Variants in LRRTM4 observed in about 807,000 individuals in gnomAD.
The protein encoded by LRRTM4 is leucine rich repeat transmembrane neuronal 4.
A neutral mutation model predicts 47.6 loss-of-function variants in LRRTM4; 25 were observed. The observed-to-expected ratio is 0.53, with a 90% CI of 0.38 to 0.73. The LOEUF (loss-of-function observed/expected upper bound fraction) is 0.73. Among genes scored for constraint, LRRTM4 ranks in the 30% least tolerant of loss-of-function variants. The pLI is 0.00. For missense variants in LRRTM4, 638 were observed against 713.4 expected (o/e 0.89, Z 1.20); for synonymous variants, 311 against 269.5 (o/e 1.15, Z -1.51).
intron 3 of LRRTM4, among the ~76,000 whole-genome samples, chr2:76,973,886 T>C (rs1676306933): frequency 6.6e-6 from 1 of 151,826 alleles, no homozygotes; most frequent in African/African-American, 2.4e-5. Context: ...ATGGGATAAA[T>C]GTAATGGAAA....
At chr2:76,802,603 A>G (rs1675758657) in intron 3 of LRRTM4, among the ~76,000 whole-genome samples, 1 of 152,106 alleles carries the variant, frequency 6.6e-6, no homozygotes, top group East Asian at 1.9e-4. Context: ...ATAATAGGAA[A>G]CAGAATTGTA....
At chr2:76,871,263 A>G (rs1350371391) in intron 3 of LRRTM4, among the ~76,000 whole-genome samples, 2 of 152,198 alleles carry the variant, frequency 1.3e-5, no homozygotes, top group Non-Finnish European at 2.9e-5. Context: ...TGTCTGATGT[A>G]TATTAATAAA....
At chr2:77,441,591 T>C (rs747249615) in intron 3 of LRRTM4, among the ~76,000 whole-genome samples, 9 of 152,320 alleles carry the variant, frequency 5.9e-5, no homozygotes, top group Middle Eastern at 3.4e-3. Context: ...ATAATAAGCT[T>C]ATCTGGCCTG....
intron 3 of LRRTM4, among the ~76,000 whole-genome samples, chr2:77,311,234 AG>A (rs1677447788): frequency 6.6e-6 from 1 of 152,216 alleles, no homozygotes; most frequent in South Asian, 2.1e-4. Context: ...ATGTTGTTAC[AG>A]GAAATCTACC....
At chr2:77,373,492 C>T (rs1157317027) in intron 3 of LRRTM4, among the ~76,000 whole-genome samples, 1 of 151,628 alleles carries the variant, frequency 6.6e-6, no homozygotes, top group South Asian at 2.1e-4. Context: ...TCTTCTCCAC[C>T]TTCATTTTTT....
intron 3 of LRRTM4, among the ~76,000 whole-genome samples, chr2:76,779,923 T>C (rs1382395227): frequency 2.1e-4 from 32 of 152,060 alleles, no homozygotes; most frequent in African/African-American, 7.0e-4. Context: ...CCATGTTTAG[T>C]GCTTCCTTCA....
At chr2:77,039,381 G>A (rs1038663465) in intron 3 of LRRTM4, among the ~76,000 whole-genome samples, 10 of 150,326 alleles carry the variant, frequency 6.7e-5, no homozygotes, top group Non-Finnish European at 1.2e-4. Flanking sequence ...AGAGATACAG[G>A]TATATTTGTT....
chr2:77,275,060 A>T (rs1156752132), intron 3 of LRRTM4, among the ~76,000 whole-genome samples: 1 of 152,140 alleles, frequency 6.6e-6, no homozygotes, highest in Non-Finnish European at 1.5e-5. Context: ...TAACTCTTAA[A>T]AAAAAGAGGG....
chr2:77,229,463 C>T (rs370035250), intron 3 of LRRTM4, among the ~76,000 whole-genome samples: 1 of 152,148 alleles, frequency 6.6e-6, no homozygotes, highest in East Asian at 1.9e-4. Context: ...TTAATAAATC[C>T]AAATTTGACT....
At chr2:76,791,459 C>A (rs963310551) in intron 3 of LRRTM4, among the ~76,000 whole-genome samples, 1 of 151,956 alleles carries the variant, frequency 6.6e-6, no homozygotes, top group Non-Finnish European at 1.5e-5. Context: ...GGAAAAAATC[C>A]AAGAACTTCA....
At chr2:76,858,547 A>G (rs1325852328) in intron 3 of LRRTM4, among the ~76,000 whole-genome samples, 1 of 152,154 alleles carries the variant, frequency 6.6e-6, no homozygotes, top group Non-Finnish European at 1.5e-5. Flanking sequence ...GAAATATGCA[A>G]TGTCTATCCA....
rs1558752116 is a variant in LRRTM4, at chr2:77,457,044, AT to A, written c.1551+61273del. ...TATATATATATATATATATATATAT[AT>A]ATATATGTATAACCTGGAACTCTTT... On this transcript the variant is annotated intron_variant, in intron 3 of 3. Coordinates refer to ENST00000409884, the MANE Select transcript of LRRTM4 (RefSeq NM_001134745.3). 3.2e-3 allele frequency among the ~76,000 whole-genome samples: 80 copies of A among 25,164 alleles called. 2 individuals carry two copies. The highest frequency in any genetic ancestry group is 4.9e-3 in the Non-Finnish European group (62 of 12,764). 16.5% of individuals were successfully genotyped at this position (25,164 alleles called of 152,430 possible).
chr2:77,463,382 C>T lies in LRRTM4; in HGVS notation c.1551+54936G>A, dbSNP rs924762228. On this transcript the variant is annotated intron_variant, in intron 3 of 3. Coordinates refer to ENST00000409884, the MANE Select transcript of LRRTM4 (RefSeq NM_001134745.3). ...CAATGTCAAGGTATTTTCATGAATA[C>T]GCTGTACATTGCAAATCTCAAATAT... is the stretch of plus-strand genomic sequence containing the variant. Among the ~76,000 whole-genome samples the T allele has an allele frequency of 7.2e-5, 11 of 151,982 alleles. 1 individual carries two copies. The highest frequency in any genetic ancestry group is 6.3e-3 in the Middle Eastern group (2 of 316).
intron 3 of LRRTM4, among the ~76,000 whole-genome samples, chr2:76,789,994 G>A (rs569333060): frequency 9.2e-5 from 14 of 152,242 alleles, no homozygotes; most frequent in African/African-American, 2.2e-4. Context: ...GGTGTGTGTC[G>A]TTACAGGACA....
At chr2:77,341,686 G>T (rs1293481337) in intron 3 of LRRTM4, among the ~76,000 whole-genome samples, 2 of 152,042 alleles carry the variant, frequency 1.3e-5, no homozygotes, top group Non-Finnish European at 2.9e-5. Context: ...TAAATGCCGA[G>T]AGACTTCTAT....
rs150187956 is a variant in LRRTM4, at chr2:76,869,242, G to A, written c.1552-120326C>T. 3.0e-3 allele frequency among the ~76,000 whole-genome samples: 461 copies of A among 151,946 alleles called. 8 individuals carry two copies. Among genetic ancestry groups the A allele is most frequent in the African/African-American group, 0.011 (444 of 41,404 alleles). The stretch of plus-strand genomic sequence containing the variant: ...GAGAATCGCTTGAACCCAGGAGGCA[G>A]AGGTTGCAGTGAGCCGAGATCACAC... On this transcript the variant is annotated intron_variant, in intron 3 of 3. Coordinates refer to ENST00000409884, the MANE Select transcript of LRRTM4 (RefSeq NM_001134745.3).
intron 3 of LRRTM4, among the ~76,000 whole-genome samples, chr2:77,501,699 G>C (rs1678575452): frequency 6.6e-6 from 1 of 150,952 alleles, no homozygotes; most frequent in Non-Finnish European, 1.5e-5. Flanking sequence ...ATTAAAAGCT[G>C]AACGGCAAGC....
At chr2:76,877,775 C>A (rs928567088) in intron 3 of LRRTM4, among the ~76,000 whole-genome samples, 9 of 151,886 alleles carry the variant, frequency 5.9e-5, no homozygotes, top group Non-Finnish European at 1.3e-4. Flanking sequence ...CTTAACTTTC[C>A]AGAATATGGA....
chr2:77,284,373 C>A (rs966539592), intron 3 of LRRTM4, among the ~76,000 whole-genome samples: 21 of 151,948 alleles, frequency 1.4e-4, no homozygotes, highest in Non-Finnish European at 1.5e-5. Flanking sequence ...TTTAAACTGG[C>A]TGGTAATTAC....
Sources: gnomAD v4.1 joint callset for allele counts (sites outside exome capture counted in the v4.1 genomes callset) on GRCh38, gnomAD v4.1.1 for gene constraint, MANE v1.5 for transcripts, NCBI Gene and HGNC (gene_info 2026-07-23, HGNC 2026-07-21) for gene names.